Variants in LRRC37A2 observed in about 807,000 individuals in gnomAD.
The protein encoded by LRRC37A2 is leucine rich repeat containing 37 member A2, also known as leucine-rich repeat-containing protein 37A2.
A neutral mutation model predicts 68.8 loss-of-function variants in LRRC37A2; 9 were observed. The ratio of observed to expected loss-of-function variants is 0.13; its 90% CI spans 0.08 to 0.23. LRRC37A2 has a LOEUF of 0.23. Ranked by LOEUF, LRRC37A2 falls within the 10% of genes least tolerant of loss-of-function variation. The probability of loss-of-function intolerance (pLI) is 1.00; values close to 1 mark genes in which losing one functional copy is unlikely to be tolerated. For missense variants in LRRC37A2, 168 were observed against 950.4 expected (o/e 0.18, Z 10.82); for synonymous variants, 63 against 367.6 (o/e 0.17, Z 9.48).
chr17:46,972,443 G>A, the LRRC37A2 span, among the ~76,000 whole-genome samples: 1 of 152,342 alleles, frequency 6.6e-6, no homozygotes, highest in African/African-American at 2.4e-5. Context: ...CCCAGCAAAG[G>A]GTTGCACACT....
At chr17:46,822,590 C>T in the LRRC37A2 span, among the ~76,000 whole-genome samples, 426 of 152,316 alleles carry the variant, frequency 2.8e-3, no homozygotes, top group Middle Eastern at 6.8e-3. Context: ...CCCTGCGGGC[C>T]CGGCATCCTC....
At chr17:46,745,770 C>T in the LRRC37A2 span, among the ~76,000 whole-genome samples, 1 of 152,166 alleles carries the variant, frequency 6.6e-6, no homozygotes, top group Non-Finnish European at 1.5e-5. Context: ...GCCTTTAGGG[C>T]TATGTTCCCA....
chr17:46,733,824 C>G, the LRRC37A2 span, among the ~76,000 whole-genome samples: 1 of 152,206 alleles, frequency 6.6e-6, no homozygotes, highest in Non-Finnish European at 1.5e-5. Context: ...AAGTAGAACT[C>G]AGACCTAACA....
chr17:46,713,182 T>C, the LRRC37A2 span: 1 of 152,262 alleles, frequency 6.6e-6, no homozygotes, highest in Non-Finnish European at 1.5e-5. Context: ...GACTAGAACA[T>C]GCTAAAACAC....
chr17:46,823,762 G>A, the LRRC37A2 span, among the ~76,000 whole-genome samples: 2 of 149,478 alleles, frequency 1.3e-5, no homozygotes, highest in Non-Finnish European at 3.0e-5. Context: ...TTTGGAAAGC[G>A]ATTTGCGGTG....
chr17:46,782,306 G>T, the LRRC37A2 span, among the ~76,000 whole-genome samples: 2 of 152,220 alleles, frequency 1.3e-5, no homozygotes, highest in African/African-American at 4.8e-5. Flanking sequence ...AGGAGGGAAG[G>T]TGAGGAGAAG....
chr17:46,978,539 A>C, the LRRC37A2 span: 1 of 1,408,238 alleles, frequency 7.1e-7, no homozygotes, highest in Non-Finnish European at 9.4e-7. Flanking sequence ...CCAGGCACGT[A>C]GCTGCCCGCC....
chr17:46,760,285 A>G, the LRRC37A2 span, among the ~76,000 whole-genome samples: 9 of 151,972 alleles, frequency 5.9e-5, no homozygotes, highest in Non-Finnish European at 1.2e-4. Flanking sequence ...ACGATTACAA[A>G]TGGTCTTCAT....
chr17:46,742,651 C>T, the LRRC37A2 span, among the ~76,000 whole-genome samples: 1 of 152,102 alleles, frequency 6.6e-6, no homozygotes, highest in Non-Finnish European at 1.5e-5. Context: ...CAGGCAGGTC[C>T]TTGACTTGGA....
At chr17:46,999,581 C>G in the LRRC37A2 span, among the ~76,000 whole-genome samples, 3 of 152,182 alleles carry the variant, frequency 2.0e-5, no homozygotes, top group South Asian at 6.2e-4. Context: ...AACTCCTGGG[C>G]TCAAGTGATC....
chr17:47,036,370 T>G, the LRRC37A2 span, among the ~76,000 whole-genome samples: 1 of 152,020 alleles, frequency 6.6e-6, no homozygotes, highest in Non-Finnish European at 1.5e-5. Context: ...AAAATTGTTT[T>G]AAAAGAAAAA....
At chr17:46,717,811 G>A in the LRRC37A2 span, among the ~76,000 whole-genome samples, 3 of 152,198 alleles carry the variant, frequency 2.0e-5, no homozygotes, top group African/African-American at 7.2e-5. Flanking sequence ...AGCGAACAAG[G>A]TGACGGAAAT....
the LRRC37A2 span, among the ~76,000 whole-genome samples, chr17:46,761,571 G>C: frequency 9.9e-5 from 15 of 152,128 alleles, no homozygotes; most frequent in African/African-American, 3.6e-4. Flanking sequence ...CTGACCTCAA[G>C]TGATCCACCC....
chr17:46,994,701 T>G, the LRRC37A2 span, among the ~76,000 whole-genome samples: 13 of 152,088 alleles, frequency 8.5e-5, no homozygotes, highest in Non-Finnish European at 1.8e-4. Flanking sequence ...GATGCTTTTC[T>G]CAGCATCAAG....
At chr17:46,719,841 A>G in the LRRC37A2 span, among the ~76,000 whole-genome samples, 1 of 152,238 alleles carries the variant, frequency 6.6e-6, no homozygotes, top group African/African-American at 2.4e-5. This position sits in a 1 kb window ranked among gnomAD's most constrained non-coding sequence, Gnocchi z 4.3. Flanking sequence ...GAACAATCAG[A>G]TAGAACTAAA....
At chr17:46,941,392 C>T in the LRRC37A2 span, 3 of 982,112 alleles carry the variant, frequency 3.1e-6, no homozygotes, top group Non-Finnish European at 3.6e-6. Flanking sequence ...ATTCGATATT[C>T]ATTTTTATAA....
At chr17:46,879,627 T>C in the LRRC37A2 span, among the ~76,000 whole-genome samples, 2 of 152,364 alleles carry the variant, frequency 1.3e-5, no homozygotes, top group East Asian at 1.9e-4. Context: ...GGTCCAGAGA[T>C]GGAGAGCTGT....
chr17:46,392,343 G>T, the LRRC37A2 span, among the ~76,000 whole-genome samples: 1 of 71,072 alleles, frequency 1.4e-5, no homozygotes, highest in Non-Finnish European at 3.4e-5. Context: ...GAATAACGGG[G>T]ATTACTGATT....
chr17:46,934,465 T>G, the LRRC37A2 span, among the ~76,000 whole-genome samples: 1 of 151,944 alleles, frequency 6.6e-6, no homozygotes, highest in Non-Finnish European at 1.5e-5. Flanking sequence ...AAGGTTGCAG[T>G]GAGCTGAGAT....
Sources: allele counts gnomAD v4.1 joint callset (sites outside exome capture counted in the v4.1 genomes callset), GRCh38; gene constraint gnomAD v4.1.1; non-coding constraint Gnocchi (gnomAD v3.1); transcripts MANE v1.5; gene names NCBI Gene and HGNC (gene_info 2026-07-23, HGNC 2026-07-21).